The following EPB41L4B variants were observed in gnomAD, a reference collection of about 807,000 sequenced individuals.
EPB41L4B encodes the protein erythrocyte membrane protein band 4.1 like 4B, also known as band 4.1-like protein 4B.
A neutral mutation model predicts 112.5 loss-of-function variants in EPB41L4B; 30 were observed. That is an observed-to-expected ratio of 0.27 (90% CI 0.20 to 0.36). The LOEUF (loss-of-function observed/expected upper bound fraction) is 0.36. Ranked by LOEUF, EPB41L4B falls within the 10% of genes least tolerant of loss-of-function variation. EPB41L4B has a pLI of 1.00. For synonymous variants in EPB41L4B, 408 were observed against 439.7 expected, an observed-to-expected ratio of 0.93 and a Z score of 0.90; for missense variants, 1,024 against 1,133.3, an observed-to-expected ratio of 0.90 and a Z score of 1.38.
intron 2 of EPB41L4B, among the ~76,000 whole-genome samples, chr9:109,271,671 C>T (rs1429907999): frequency 1.3e-5 from 2 of 152,148 alleles, no homozygotes; most frequent in Non-Finnish European, 2.9e-5. Flanking sequence ...CTCAGATGTT[C>T]ACCTGTGTCT....
At chr9:109,289,574 A>T (rs1373651889) in intron 1 of EPB41L4B, among the ~76,000 whole-genome samples, 2 of 152,228 alleles carry the variant, frequency 1.3e-5, no homozygotes, top group Non-Finnish European at 2.9e-5. Context: ...CAGAAGCCTG[A>T]TCTGCCTGGT....
intron 20 of EPB41L4B, among the ~76,000 whole-genome samples, chr9:109,195,467 G>A (rs760207960): frequency 6.6e-6 from 1 of 152,178 alleles, no homozygotes; most frequent in Non-Finnish European, 1.5e-5. Context: ...AGGGGGAAAG[G>A]TGAGAATTGA....
At chr9:109,174,704 G>A (rs1831750331) in intron 25 of EPB41L4B, 81 bp from the exon 26 acceptor site, 1 of 1,183,586 alleles carries the variant, frequency 8.4e-7, no homozygotes, top group Non-Finnish European at 1.2e-6. Context: ...CATCTCCCAG[G>A]TTCTTTCCTG....
At chr9:109,205,466 A>G (rs1178807523) in intron 18 of EPB41L4B, among the ~76,000 whole-genome samples, 1 of 152,240 alleles carries the variant, frequency 6.6e-6, no homozygotes, top group Non-Finnish European at 1.5e-5. Context: ...AATGTAGATA[A>G]TTACAGCTTT....
intron 2 of EPB41L4B, 58 bp from the exon 3 acceptor site, chr9:109,268,491 C>A: frequency 1.4e-6 from 2 of 1,470,582 alleles, no homozygotes; most frequent in South Asian, 2.4e-5. Context: ...TTATTCAGCC[C>A]TCACAGTTAC....
Position 109,284,941 on chromosome 9 carries a change from C to T in EPB41L4B, c.307-5020G>A, listed in dbSNP as rs146624259. On this transcript the variant is annotated intron_variant, in intron 1 of 25. Transcript: ENST00000374566. ...AGAACTAGTTAAGTAACACTTTTAG[C>T]AGCAGGATGTGGCAGAAAAATTGGG... 4.6e-5 allele frequency among the ~76,000 whole-genome samples: 7 copies of T among 152,338 alleles called. No homozygotes were observed. The East Asian group carries it at 1.2e-3, about 25-fold the overall frequency.
At chr9:109,179,272 C>A (rs1376163577) in intron 24 of EPB41L4B, among the ~76,000 whole-genome samples, 1 of 152,206 alleles carries the variant, frequency 6.6e-6, no homozygotes, top group Admixed American at 6.5e-5. Context: ...AATGCTAGAT[C>A]GACTGCCAGA....
intron 14 of EPB41L4B, 51 bp downstream of exon 14, chr9:109,247,705 A>G: frequency 1.6e-6 from 2 of 1,277,648 alleles, no homozygotes; most frequent in Non-Finnish European, 2.1e-6. Context: ...TTTAAATTTT[A>G]TTTTTAAAAT....
chr9:109,183,514 A>G (rs1433436988), intron 23 of EPB41L4B, among the ~76,000 whole-genome samples: 1 of 151,546 alleles, frequency 6.6e-6, no homozygotes, highest in Non-Finnish European at 1.5e-5. Flanking sequence ...GGTGAAAAAG[A>G]CTCTTGACTT....
At chr9:109,240,370 C>T (rs1416917329) in intron 15 of EPB41L4B, 2 of 985,180 alleles carry the variant, frequency 2.0e-6, no homozygotes, top group Non-Finnish European at 1.2e-6. Flanking sequence ...TACCTTCTTG[C>T]TGAATAGATT....
intron 12 of EPB41L4B, among the ~76,000 whole-genome samples, chr9:109,253,170 C>T (rs564658566): frequency 2.6e-5 from 4 of 152,094 alleles, no homozygotes; most frequent in Admixed American, 2.6e-4. Flanking sequence ...GGGGCTTGAG[C>T]CCAGGTCTAA....
intron 20 of EPB41L4B, among the ~76,000 whole-genome samples, chr9:109,197,999 C>G (rs550714189): frequency 6.6e-6 from 1 of 152,222 alleles, no homozygotes; most frequent in Admixed American, 6.5e-5. Context: ...GTCTTATCCT[C>G]GAGGGAAGCA....
intron 1 of EPB41L4B, among the ~76,000 whole-genome samples, chr9:109,319,454 G>T (rs571845562): frequency 4.7e-4 from 71 of 152,334 alleles, no homozygotes; most frequent in Non-Finnish European, 5.6e-4. Context: ...CTCTGCCGGT[G>T]CAAGGCAGGC....
At chr9:109,246,182 A>G (rs751215978) in intron 14 of EPB41L4B, among the ~76,000 whole-genome samples, 2 of 152,208 alleles carry the variant, frequency 1.3e-5, no homozygotes, top group Non-Finnish European at 2.9e-5. Flanking sequence ...CGAGCAGATC[A>G]CTTGAGGTCA....
At chr9:109,236,732 T>C (rs1184661361) in intron 15 of EPB41L4B, among the ~76,000 whole-genome samples, 1 of 152,212 alleles carries the variant, frequency 6.6e-6, no homozygotes, top group East Asian at 1.9e-4. Context: ...CCATTTTACA[T>C]GTTTGTCTTT....
intron 22 of EPB41L4B, among the ~76,000 whole-genome samples, chr9:109,186,377 G>C (rs1450786631): frequency 1.3e-5 from 2 of 151,916 alleles, no homozygotes; most frequent in African/African-American, 4.8e-5. Flanking sequence ...AATGGAGACA[G>C]GGTTTCACCA....
In EPB41L4B at chr9:109,293,717, A is replaced by AC. The variant is rs1332645619; in HGVS notation, c.307-13797_307-13796insG. On this transcript the variant is annotated intron_variant, in intron 1 of 25. Transcript: ENST00000374566. The stretch of plus-strand genomic sequence containing the variant: ...CATTCTTAAAAAAAAAAAAAAAAAA[A>AC]AAACATAAACTAAAAACTGTTTTTT... Among the ~76,000 whole-genome samples, 1,019 of 143,608 alleles carry AC rather than the reference A, an allele frequency of 7.1e-3. 12 individuals carry two copies. The highest frequency in any genetic ancestry group is 0.016 in the African/African-American group (633 of 38,958). 94.2% of individuals were successfully genotyped at this position (143,608 alleles called of 152,430 possible). A position where few individuals can be genotyped will look rare whatever the true frequency, so the allele number is the denominator to read the frequency against.
At chr9:109,243,885 G>A (rs1050878851) in intron 14 of EPB41L4B, among the ~76,000 whole-genome samples, 6 of 152,312 alleles carry the variant, frequency 3.9e-5, no homozygotes, top group East Asian at 3.9e-4. Flanking sequence ...ACCCAGTGCC[G>A]GTTCTTGCCC....
intron 6 of EPB41L4B, among the ~76,000 whole-genome samples, chr9:109,260,611 T>C (rs796698793): frequency 3.3e-5 from 5 of 152,180 alleles, no homozygotes; most frequent in African/African-American, 1.2e-4. Flanking sequence ...GATGGAGTTT[T>C]ACTATGTTGG....
Sources: gnomAD v4.1 joint callset for allele counts (sites outside exome capture counted in the v4.1 genomes callset) on GRCh38, gnomAD v4.1.1 for gene constraint, MANE v1.5 for transcripts, NCBI Gene and HGNC (gene_info 2026-07-23, HGNC 2026-07-21) for gene names.